NAV2: variants seen among roughly 807,000 people sequenced by gnomAD.
NAV2 encodes the protein neuron navigator 2, also known as helicase, APC down-regulated 1.
A neutral mutation model predicts 223.2 loss-of-function variants in NAV2; 54 were observed. The observed-to-expected ratio is 0.24, with a 90% CI of 0.19 to 0.30. The LOEUF (loss-of-function observed/expected upper bound fraction) is 0.30, where lower values mean the gene tolerates loss of function less well. NAV2 is among the 10% of genes least tolerant of loss of function. The pLI is 1.00. For synonymous variants in NAV2, 1,279 were observed against 1,239.3 expected (o/e 1.03, Z -0.67); for missense variants, 2,806 against 3,147.5 (o/e 0.89, Z 2.60).
intron 1 of NAV2, among the ~76,000 whole-genome samples, chr11:19,589,266 C>CA (rs111261847): frequency 6.6e-6 from 1 of 151,908 alleles, no homozygotes; most frequent in Non-Finnish European, 1.5e-5. Flanking sequence ...AACGAACAAA[C>CA]AAAAAAAACC....
chr11:19,399,713 G>A (rs1049879544), intron 1 of NAV2, among the ~76,000 whole-genome samples: 3 of 152,210 alleles, frequency 2.0e-5, no homozygotes, highest in African/African-American at 7.2e-5. Flanking sequence ...AGAAAACTGA[G>A]GCTTAGAGAG....
intron 10 of NAV2, among the ~76,000 whole-genome samples, chr11:19,961,395 T>C (rs546259590): frequency 3.9e-4 from 59 of 152,312 alleles, no homozygotes; most frequent in Non-Finnish European, 7.1e-4. Context: ...GAGGTGAATA[T>C]GAAAAGAAAC....
intron 1 of NAV2, among the ~76,000 whole-genome samples, chr11:19,533,497 A>T (rs956729081): frequency 6.6e-6 from 1 of 152,084 alleles, no homozygotes; most frequent in South Asian, 2.1e-4. Flanking sequence ...TGTCCTGGGC[A>T]TGTGTGTTCC....
chr11:19,809,240 C>T (rs1228643660), intron 1 of NAV2, among the ~76,000 whole-genome samples: 1 of 152,040 alleles, frequency 6.6e-6, no homozygotes, highest in Non-Finnish European at 1.5e-5. Flanking sequence ...ATTCACATAC[C>T]CATGTATGTT....
chr11:19,998,708 C>T lies in NAV2; in HGVS notation c.2768+14461C>T, dbSNP rs940112691. Reference sequence around the variant, plus strand: ...CCCCTCTGCATAGACTGTGCTTCCCCCCCTCTCTCCTTTTCTCCTTATAAG... The same window carrying T: ...CCCCTCTGCATAGACTGTGCTTCCCTCCCTCTCTCCTTTTCTCCTTATAAG... On this transcript the variant is annotated intron_variant, in intron 11 of 37. Transcript: ENST00000349880. The surrounding 1 kb of genome is among the most constrained non-coding windows in gnomAD (Gnocchi z 5.0). Among the ~76,000 whole-genome samples the T allele has an allele frequency of 7.9e-5, 12 of 152,170 alleles. No homozygotes were observed. Among genetic ancestry groups the T allele is most frequent in the African/African-American group, 2.9e-4 (12 of 41,518 alleles).
rs886901725 is a variant in NAV2 at position 20,097,568 on chromosome 11, T to A, written c.6013-9T>A. 2.1e-5 allele frequency: 33 copies of A among 1,563,550 alleles called. No homozygotes were observed. Among genetic ancestry groups the A allele is most frequent in the Non-Finnish European group, 2.8e-5 (33 of 1,159,970 alleles). Reference sequence around the variant, plus strand: ...CTTTGATGGGGTCTTTATTTTTTATTTTTTCCAGGAATACATCATTCATGT... The same window carrying A: ...CTTTGATGGGGTCTTTATTTTTTATATTTTCCAGGAATACATCATTCATGT... On this transcript the variant is annotated splice_polypyrimidine_tract_variant and intron_variant, in intron 30 of 37. Coordinates refer to ENST00000349880, the MANE Select transcript of NAV2 (RefSeq NM_145117.5).
intron 1 of NAV2, among the ~76,000 whole-genome samples, chr11:19,590,143 AG>A (rs2046018083): frequency 6.6e-6 from 1 of 152,216 alleles, no homozygotes; most frequent in Non-Finnish European, 1.5e-5. Flanking sequence ...AGATAATAAT[AG>A]TACCTAGCTT....
chr11:19,437,640 G>A (rs116792965), intron 1 of NAV2, among the ~76,000 whole-genome samples: 180 of 152,140 alleles, frequency 1.2e-3, no homozygotes, highest in African/African-American at 4.0e-3. Context: ...TTGTAAAAAG[G>A]TTGTTGCATT....
At chr11:20,077,808 C>T (rs1159189394) in intron 23 of NAV2, among the ~76,000 whole-genome samples, 173 bp downstream of exon 23, 1 of 152,172 alleles carries the variant, frequency 6.6e-6, no homozygotes, top group Admixed American at 6.5e-5. Context: ...TTGATAATGG[C>T]ATCAATGATA....
intron 25 of NAV2, among the ~76,000 whole-genome samples, chr11:20,080,894 T>G (rs7119635): frequency 6.6e-6 from 1 of 152,038 alleles, no homozygotes; most frequent in African/African-American, 2.4e-5. Context: ...ATTCCACCCC[T>G]CACTCTCCAT....
chr11:19,478,584 A>C (rs2042188481), intron 1 of NAV2, among the ~76,000 whole-genome samples: 1 of 152,266 alleles, frequency 6.6e-6, no homozygotes, highest in African/African-American at 2.4e-5. Flanking sequence ...GAGCACCTAC[A>C]ATGTGTTTGT....
At chr11:19,567,486 A>G (rs899555592) in intron 1 of NAV2, among the ~76,000 whole-genome samples, 1 of 152,184 alleles carries the variant, frequency 6.6e-6, no homozygotes, top group Non-Finnish European at 1.5e-5. Context: ...AGCACTGTCC[A>G]GAGAGGTTGA....
chr11:19,792,901 G>T (rs2057623169), intron 1 of NAV2, among the ~76,000 whole-genome samples: 1 of 150,136 alleles, frequency 6.7e-6, no homozygotes, highest in Non-Finnish European at 1.5e-5. Context: ...GCTCAGTTTT[G>T]AGTGAGCCAT....
At chr11:19,832,434 A>G in intron 1 of NAV2, 50 bp from the exon 2 acceptor site, 3 of 1,458,900 alleles carry the variant, frequency 2.1e-6, no homozygotes, top group Non-Finnish European at 2.9e-6. Flanking sequence ...TCAGACTCTG[A>G]GAGGGGATCC....
chr11:19,602,027 C>T (rs1352687976), intron 1 of NAV2, among the ~76,000 whole-genome samples: 1 of 152,196 alleles, frequency 6.6e-6, no homozygotes, highest in African/African-American at 2.4e-5. Flanking sequence ...GTTTCGAGTC[C>T]CTGTGACACT....
At chr11:19,596,937 A>C (rs3958152) in intron 1 of NAV2, among the ~76,000 whole-genome samples, 4 of 152,176 alleles carry the variant, frequency 2.6e-5, no homozygotes, top group African/African-American at 9.7e-5. Flanking sequence ...GAGGCACAGA[A>C]TGTTTTGGTA....
At chr11:19,996,773 T>C (rs2051933173) in intron 11 of NAV2, among the ~76,000 whole-genome samples, 1 of 152,214 alleles carries the variant, frequency 6.6e-6, no homozygotes, top group Admixed American at 6.5e-5. Flanking sequence ...CTGTGCTCTT[T>C]GATTTATCTT....
At chr11:20,052,154 C>T (rs559276990) in intron 17 of NAV2, among the ~76,000 whole-genome samples, 1 of 152,350 alleles carries the variant, frequency 6.6e-6, no homozygotes, top group South Asian at 2.1e-4. Flanking sequence ...TCACCCTGCA[C>T]TAAGCATTAA....
intron 1 of NAV2, among the ~76,000 whole-genome samples, chr11:19,412,901 C>T (rs529927784): frequency 2.0e-4 from 31 of 152,302 alleles, no homozygotes; most frequent in African/African-American, 6.5e-4. Context: ...AGGATGTCCA[C>T]ACAAAAACCC....
Sources: allele counts gnomAD v4.1 joint callset (sites outside exome capture counted in the v4.1 genomes callset), GRCh38; gene constraint gnomAD v4.1.1; non-coding constraint Gnocchi (gnomAD v3.1); transcripts MANE v1.5; gene names NCBI Gene and HGNC (gene_info 2026-07-23, HGNC 2026-07-21).